The following ITGBL1 variants were observed in gnomAD, a reference collection of about 807,000 sequenced individuals.
ITGBL1 encodes the protein integrin subunit beta like 1.
Under a neutral mutation model 68.5 loss-of-function variants are expected in ITGBL1, and 51 were observed. The ratio of observed to expected loss-of-function variants is 0.74; its 90% confidence interval spans 0.59 to 0.94. The LOEUF (loss-of-function observed/expected upper bound fraction) is 0.94. ITGBL1 is among the 40% of genes least tolerant of loss of function. The pLI is 0.00. For synonymous variants in ITGBL1, 209 were observed against 227.3 expected (o/e 0.92, Z 0.72); for missense variants, 649 against 647.4 (o/e 1.00, Z -0.03).
intron 7 of ITGBL1, among the ~76,000 whole-genome samples, chr13:101,679,201 TG>T (rs1404643280): frequency 6.6e-6 from 1 of 152,156 alleles, no homozygotes; most frequent in Non-Finnish European, 1.5e-5. Flanking sequence ...CCACCGCGCC[TG>T]GCCGAGAAAC....
chr13:101,714,070 A>C (rs2034601890), intron 9 of ITGBL1: 1 of 175,928 alleles, frequency 5.7e-6, no homozygotes, highest in African/African-American at 2.4e-5. Context: ...ATTTCCTTTA[A>C]AGAGCAGGCA....
chr13:101,472,160 A>G (rs2048470081), intron 2 of ITGBL1, among the ~76,000 whole-genome samples: 1 of 152,188 alleles, frequency 6.6e-6, no homozygotes, highest in African/African-American at 2.4e-5. Flanking sequence ...GTCCCTTCAC[A>G]AAAATCCTTA....
chr13:101,573,715 A>G (rs182897774), intron 3 of ITGBL1, among the ~76,000 whole-genome samples: 28 of 152,284 alleles, frequency 1.8e-4, no homozygotes, highest in Admixed American at 1.2e-3. Flanking sequence ...TTAAAAATGC[A>G]TAGCTCATGA....
At chr13:101,518,654 C>G (rs1346639792) in intron 2 of ITGBL1, among the ~76,000 whole-genome samples, 1 of 152,150 alleles carries the variant, frequency 6.6e-6, no homozygotes, top group Non-Finnish European at 1.5e-5. Flanking sequence ...AGACAGGGAT[C>G]CCCCAGGTAT....
At chr13:101,600,446 T>C (rs1476398595) in intron 7 of ITGBL1, among the ~76,000 whole-genome samples, 2 of 152,134 alleles carry the variant, frequency 1.3e-5, no homozygotes, top group Non-Finnish European at 2.9e-5. Context: ...TCCTGCCTGA[T>C]TGCCCTGGCC....
Position 101,478,962 on chromosome 13 carries a change from T to G in ITGBL1, c.316+24862T>G, listed in dbSNP as rs559756978. On this transcript the variant is annotated intron_variant, in intron 2 of 10. Transcript: ENST00000376180. ...CTTCACAAGAATAGAAAAAGTAATC[T>G]TAAAATTTATTGAACTACAAAATAC... Among the ~76,000 whole-genome samples, 4 of 152,114 alleles carry G rather than the reference T, an allele frequency of 2.6e-5. No individual in the cohort carries two copies. In the East Asian group the frequency reaches 7.7e-4, roughly 29 times the overall value.
chr13:101,629,979 C>T (rs562808093), intron 7 of ITGBL1, among the ~76,000 whole-genome samples: 7 of 152,066 alleles, frequency 4.6e-5, no homozygotes, highest in Non-Finnish European at 7.4e-5. Context: ...CCTGCCACCA[C>T]GCCCGGCTCA....
At chr13:101,717,189 A>G (rs1402247939), downstream of ITGBL1, 2 of 152,116 alleles carry the variant, frequency 1.3e-5, no homozygotes, top group Admixed American at 6.6e-5. Flanking sequence ...AATAAGGAAA[A>G]TATGCATCCA....
At chr13:101,628,944 ATC>A (rs1380987051) in intron 7 of ITGBL1, among the ~76,000 whole-genome samples, 1 of 152,166 alleles carries the variant, frequency 6.6e-6, no homozygotes, top group Non-Finnish European at 1.5e-5. Context: ...TCAACTTCTC[ATC>A]TGTTTCTAAC....
Position 101,575,498 on chromosome 13 carries a change from T to G in ITGBL1, c.538T>G (p.Cys180Gly). ...SGLVYGKFCE[C>G]DDRECIDDET... is the part of the protein sequence containing the mutation. Reference sequence around the variant, plus strand: ...ACTTGTGTATGGTAAATTTTGTGAGTGTGACGATAGAGAATGCATAGACGA... The same window carrying G: ...ACTTGTGTATGGTAAATTTTGTGAGGGTGACGATAGAGAATGCATAGACGA... Residue 180 changes from cysteine (C) to glycine (G), a missense_variant, in exon 4 of 11, where the codon TGT becomes GGT. Coordinates refer to ENST00000376180, the MANE Select transcript of ITGBL1 (RefSeq NM_004791.3). 6.2e-7 allele frequency: 1 copy of G among 1,612,676 alleles called. No individual in the cohort carries two copies.
At chr13:101,559,619 CT>C (rs1370357826) in intron 2 of ITGBL1, among the ~76,000 whole-genome samples, 1 of 152,164 alleles carries the variant, frequency 6.6e-6, no homozygotes, top group Non-Finnish European at 1.5e-5. Flanking sequence ...CAAAAGAGTC[CT>C]TTCAAGTCCA....
intron 2 of ITGBL1, among the ~76,000 whole-genome samples, chr13:101,471,510 ATGTGTGTGTGTGTGTGTATGTATGTGTG>A (rs1162596611): frequency 7.5e-6 from 1 of 133,858 alleles, no homozygotes; most frequent in African/African-American, 3.3e-5. Flanking sequence ...ACAAATATAT[ATGTGTGTGTGTGTGTGTATGTATGTGTG>A]TGTGTGTGTG....
intron 2 of ITGBL1, among the ~76,000 whole-genome samples, chr13:101,541,200 T>C (rs1297731877): frequency 6.6e-6 from 1 of 150,458 alleles, no homozygotes; most frequent in African/African-American, 2.5e-5. Flanking sequence ...TTGTCATAGA[T>C]AGCTCTTATT....
At chr13:101,526,937 G>A (rs1483638321) in intron 2 of ITGBL1, among the ~76,000 whole-genome samples, 1 of 151,832 alleles carries the variant, frequency 6.6e-6, no homozygotes, top group East Asian at 1.9e-4. Flanking sequence ...TCACACCCAA[G>A]AAAAATAATA....
chr13:101,701,301 G>A (rs773839226), intron 8 of ITGBL1, among the ~76,000 whole-genome samples: 1 of 152,112 alleles, frequency 6.6e-6, no homozygotes, highest in Admixed American at 6.6e-5. Context: ...TTGGGAGGCC[G>A]AGGCGGGCAG....
At chr13:101,671,335 C>G (rs1027293095) in intron 7 of ITGBL1, among the ~76,000 whole-genome samples, 15 of 148,574 alleles carry the variant, frequency 1.0e-4, no homozygotes, top group Admixed American at 2.7e-4. Flanking sequence ...ATTGTTGTTT[C>G]TTTACTTAAA....
intron 9 of ITGBL1, among the ~76,000 whole-genome samples, chr13:101,710,263 C>T (rs1668700808): frequency 6.6e-6 from 1 of 152,160 alleles, no homozygotes; most frequent in Non-Finnish European, 1.5e-5. Context: ...TGTTAGTGGA[C>T]CGGCCTCCGG....
At chr13:101,492,409 G>A (rs998163125) in intron 2 of ITGBL1, among the ~76,000 whole-genome samples, 1 of 152,190 alleles carries the variant, frequency 6.6e-6, no homozygotes, top group Non-Finnish European at 1.5e-5. Flanking sequence ...GTTGCTTTTA[G>A]AGTCCAGAAA....
chr13:101,674,186 A>G (rs143666074), intron 7 of ITGBL1, among the ~76,000 whole-genome samples: 1 of 152,318 alleles, frequency 6.6e-6, no homozygotes, highest in Non-Finnish European at 1.5e-5. Flanking sequence ...ACACACATAC[A>G]CACACTCGCG....
Sources: gnomAD v4.1 joint callset for allele counts (sites outside exome capture counted in the v4.1 genomes callset) on GRCh38, gnomAD v4.1.1 for gene constraint, MANE v1.5 for transcripts, NCBI Gene and HGNC (gene_info 2026-07-23, HGNC 2026-07-21) for gene names.